DCTD: variants seen among roughly 807,000 people sequenced by gnomAD.
DCTD encodes dCMP deaminase.
Under a neutral mutation model 21.0 loss-of-function variants are expected in DCTD, and 23 were observed. The ratio of observed to expected loss-of-function variants is 1.09; its 90% CI spans 0.79 to 1.55. The LOEUF (loss-of-function observed/expected upper bound fraction) is 1.55. Ranked by LOEUF, DCTD falls within the 40% of genes most tolerant of loss-of-function variation. The pLI is 0.00. For synonymous variants in DCTD, 71 were observed against 81.1 expected, an observed-to-expected ratio of 0.88 and a Z score of 0.67; for missense variants, 224 against 230.0, an observed-to-expected ratio of 0.97 and a Z score of 0.17.
intron 3 of DCTD, among the ~76,000 whole-genome samples, chr4:182,903,269 G>T (rs1051228380): frequency 6.6e-6 from 1 of 152,128 alleles, no homozygotes; most frequent in African/African-American, 2.4e-5. Context: ...AAGTGACAGC[G>T]CTTCTGCCTC....
At chr4:182,914,688 C>G (rs1230288065) in intron 3 of DCTD, among the ~76,000 whole-genome samples, 1 of 152,216 alleles carries the variant, frequency 6.6e-6, no homozygotes, top group Non-Finnish European at 1.5e-5. Context: ...AGGCTCAGCA[C>G]AGGCAGCAGA....
chr4:182,913,978 C>CT (rs1554053497), intron 3 of DCTD, among the ~76,000 whole-genome samples: 7,620 of 151,246 alleles, frequency 0.05, 280 homozygotes, highest in South Asian at 0.1. Flanking sequence ...TTTTTCTTTT[C>CT]TTTGTTTTTG....
At chr4:182,911,747 T>A (rs1212794522) in intron 3 of DCTD, among the ~76,000 whole-genome samples, 1 of 152,182 alleles carries the variant, frequency 6.6e-6, no homozygotes, top group Non-Finnish European at 1.5e-5. Context: ...ACTGGATAAA[T>A]CCCATGTCCA....
rs1238258371 is a variant in DCTD, at chr4:182,891,159, C to T, written c.*240G>A. On this transcript the variant is annotated 3_prime_UTR_variant, in exon 6 of 6. Coordinates refer to ENST00000438320, the MANE Select transcript of DCTD (RefSeq NM_001921.3). Reference sequence around the variant, plus strand: ...AGAAGGGGAGGCACTCTCGTTCTAGCCCTGTGCACCAGGCCACCACAGGCT... The same window carrying T: ...AGAAGGGGAGGCACTCTCGTTCTAGTCCTGTGCACCAGGCCACCACAGGCT... 2 of 447,124 alleles carry T rather than the reference C, an allele frequency of 4.5e-6. No homozygotes were observed. The highest frequency in any genetic ancestry group is 8.0e-6 in the Non-Finnish European group (2 of 251,198). The allele number at this position is 447,124 out of a possible 1,614,324, so 27.7% of individuals were successfully genotyped here. A position where few individuals can be genotyped will look rare whatever the true frequency, so the allele number is the denominator to read the frequency against.
intron 3 of DCTD, among the ~76,000 whole-genome samples, chr4:182,911,834 T>C (rs1015223196): frequency 6.6e-6 from 1 of 152,228 alleles, no homozygotes; most frequent in African/African-American, 2.4e-5. Context: ...AAAATGTTAC[T>C]GATACGAAGT....
chr4:182,893,605 G>A (rs570400774), intron 4 of DCTD, among the ~76,000 whole-genome samples: 3 of 152,342 alleles, frequency 2.0e-5, no homozygotes, highest in East Asian at 1.9e-4. Context: ...AGCAGGCAGC[G>A]CTAACTCGGC....
At chr4:182,894,867 C>T (rs141887674) in intron 3 of DCTD, among the ~76,000 whole-genome samples, 1,909 of 152,364 alleles carry the variant, frequency 0.013, 14 homozygotes, top group Non-Finnish European at 0.019. Flanking sequence ...AGCGCAGCTC[C>T]GCTTCACGGC....
At chr4:182,904,521 G>C (rs1293831116) in intron 3 of DCTD, among the ~76,000 whole-genome samples, 1 of 152,258 alleles carries the variant, frequency 6.6e-6, no homozygotes, top group East Asian at 1.9e-4. Flanking sequence ...AAGAGGAGCT[G>C]GGATGTGTGT....
chr4:182,905,290 C>G (rs1282019870), intron 3 of DCTD, among the ~76,000 whole-genome samples: 1 of 150,050 alleles, frequency 6.7e-6, no homozygotes, highest in Non-Finnish European at 1.5e-5. Context: ...TCTTAGGCCT[C>G]TTGGCAGCCT....
In DCTD at chr4:182,915,479, G is replaced by C. The variant is rs1271261379; in HGVS notation, c.90C>G (p.Ser30Arg). The change falls in exon 2 of 6, where the codon AGC (serine) becomes AGG (arginine). Residue 30 changes from serine to arginine, a missense_variant. Transcript: ENST00000438320. The stretch of plus-strand genomic sequence containing the variant: ...CATTTACCTGGGAATTTGGATCTTT[G>C]CTTCTCTGTGCTGATAAGAAGGCCA... ...MAVAFLSAQR[S>R]KDPNSQVGAC... is the part of the protein sequence containing the mutation. The C allele has an allele frequency of 6.2e-7, 1 of 1,608,664 alleles. No homozygotes were observed. Among genetic ancestry groups the C allele is most frequent in the Admixed American group, 1.7e-5 (1 of 59,976 alleles).
At chr4:182,903,495 C>G (rs935236730) in intron 3 of DCTD, among the ~76,000 whole-genome samples, 2 of 152,138 alleles carry the variant, frequency 1.3e-5, no homozygotes, top group African/African-American at 4.8e-5. Flanking sequence ...TGGAGAAACC[C>G]GCCGCATGCG....
chr4:182,891,669 A>G (rs1733774753), intron 5 of DCTD, among the ~76,000 whole-genome samples, 192 bp from the exon 6 acceptor site: 1 of 152,200 alleles, frequency 6.6e-6, no homozygotes, highest in South Asian at 2.1e-4. Flanking sequence ...AAGACAAAAA[A>G]AGATGCATGG....
chr4:182,906,324 T>C (rs1736710214), intron 3 of DCTD, among the ~76,000 whole-genome samples: 1 of 152,192 alleles, frequency 6.6e-6, no homozygotes, highest in African/African-American at 2.4e-5. Flanking sequence ...GAAAGGAATA[T>C]TCAATCATAT....
At chr4:182,895,298 T>C (rs528843627) in intron 3 of DCTD, among the ~76,000 whole-genome samples, 199 of 152,310 alleles carry the variant, frequency 1.3e-3, no homozygotes, top group South Asian at 2.1e-3. Context: ...CTTGAAATCC[T>C]GGCCGTAAGT....
chr4:182,905,326 CTTTTTTTTTTTT>C (rs70956544), intron 3 of DCTD, among the ~76,000 whole-genome samples: 1 of 121,576 alleles, frequency 8.2e-6, no homozygotes, highest in Admixed American at 8.5e-5. Flanking sequence ...AGCCCGCCTT[CTTTTTTTTTTTT>C]TTTTTTTTTT....
chr4:182,901,972 C>T (rs1240432822), intron 3 of DCTD, among the ~76,000 whole-genome samples: 1 of 152,152 alleles, frequency 6.6e-6, no homozygotes, highest in African/African-American at 2.4e-5. Context: ...CCACTGCCCA[C>T]AGATGCCTGA....
chr4:182,895,248 T>G (rs1734534565), intron 3 of DCTD, among the ~76,000 whole-genome samples: 1 of 152,136 alleles, frequency 6.6e-6, no homozygotes, highest in South Asian at 2.1e-4. Context: ...TTTTTGTATC[T>G]TTTGTAGAGA....
At chr4:182,908,682 C>CAAAAAAAA (rs34915632) in intron 3 of DCTD, among the ~76,000 whole-genome samples, 22 of 63,720 alleles carry the variant, frequency 3.5e-4, no homozygotes, top group African/African-American at 4.1e-4. Context: ...GACTCTGTCT[C>CAAAAAAAA]AAAAAAAAAA....
intron 1 of DCTD, chr4:182,916,179 C>G (rs1481496441): frequency 5.1e-5 from 9 of 175,762 alleles, no homozygotes; most frequent in Non-Finnish European, 1.0e-4. Context: ...CCTCAATAAT[C>G]CAGATGGGAC....
Sources: allele counts gnomAD v4.1 joint callset (sites outside exome capture counted in the v4.1 genomes callset), GRCh38; gene constraint gnomAD v4.1.1; transcripts MANE v1.5; gene names NCBI Gene and HGNC (gene_info 2026-07-23, HGNC 2026-07-21).